NLGN1: variants seen among roughly 807,000 people sequenced by gnomAD.
The protein encoded by NLGN1 is neuroligin-1.
Under a neutral mutation model 65.5 loss-of-function variants are expected in NLGN1, and 12 were observed. That is an observed-to-expected ratio of 0.18 (90% CI 0.12 to 0.30). The LOEUF is 0.30. NLGN1 is among the 10% of genes least tolerant of loss of function. NLGN1 has a pLI of 1.00. For synonymous variants in NLGN1, 350 were observed against 359.5 expected, an observed-to-expected ratio of 0.97 and a Z score of 0.30; for missense variants, 750 against 1,007.1, an observed-to-expected ratio of 0.74 and a Z score of 3.46.
intron 4 of NLGN1, among the ~76,000 whole-genome samples, chr3:174,131,848 T>C (rs184745470): frequency 1.3e-5 from 2 of 152,316 alleles, no homozygotes; most frequent in Admixed American, 6.5e-5. Context: ...GTTGTATTGA[T>C]TTCACTGCTC....
Position 174,074,228 on chromosome 3 carries a change from TA to T in NLGN1, c.647-201084del, listed in dbSNP as rs532390119. 3.0e-3 allele frequency among the ~76,000 whole-genome samples: 463 copies of T among 152,264 alleles called. 4 individuals are homozygous for T. The highest frequency in any genetic ancestry group is 0.011 in the African/African-American group (444 of 41,566). ...GTTTCTGTCTAAGACTGACTCTATA[TA>T]AATACCTAGGAAAATTAAGAGAATC... On this transcript the variant is annotated intron_variant, in intron 4 of 6. Transcript: ENST00000457714.
chr3:174,128,602 A>G (rs1326264803), intron 4 of NLGN1, among the ~76,000 whole-genome samples: 4 of 152,100 alleles, frequency 2.6e-5, no homozygotes, highest in Non-Finnish European at 5.9e-5. Context: ...CCCAAAGTCC[A>G]TGTAGTTCTC....
intron 4 of NLGN1, among the ~76,000 whole-genome samples, chr3:173,860,979 A>G (rs905051091): frequency 6.6e-6 from 1 of 152,162 alleles, no homozygotes; most frequent in Non-Finnish European, 1.5e-5. Flanking sequence ...AGTCAACATA[A>G]ATATGGACAA....
At chr3:174,239,218 G>A (rs960049973) in intron 4 of NLGN1, among the ~76,000 whole-genome samples, 6 of 151,938 alleles carry the variant, frequency 3.9e-5, no homozygotes, top group African/African-American at 9.7e-5. Flanking sequence ...ACAAGCATGC[G>A]CCACCACACT....
chr3:173,465,194 G>A (rs1384832490), intron 2 of NLGN1, among the ~76,000 whole-genome samples: 2 of 152,118 alleles, frequency 1.3e-5, no homozygotes, highest in African/African-American at 4.8e-5. Context: ...TGTGTCCTGC[G>A]ACTCAGGAAA....
intron 2 of NLGN1, among the ~76,000 whole-genome samples, chr3:173,451,388 C>T (rs1025345843): frequency 4.6e-5 from 7 of 152,098 alleles, no homozygotes; most frequent in African/African-American, 7.2e-5. Flanking sequence ...ATTGGTGAAC[C>T]GCAAATGCTG....
chr3:174,195,179 TCA>T (rs1437252484), intron 4 of NLGN1, among the ~76,000 whole-genome samples: 1 of 152,172 alleles, frequency 6.6e-6, no homozygotes, highest in Non-Finnish European at 1.5e-5. Flanking sequence ...TGTTTTTTAC[TCA>T]CAGTCATAGC....
At chr3:173,537,405 A>G (rs188492470) in intron 2 of NLGN1, among the ~76,000 whole-genome samples, 9 of 152,256 alleles carry the variant, frequency 5.9e-5, no homozygotes, top group African/African-American at 4.8e-5. Context: ...TTGACATTCC[A>G]TAACTTAAAT....
intron 4 of NLGN1, among the ~76,000 whole-genome samples, chr3:174,211,967 G>A (rs537830197): frequency 6.6e-6 from 1 of 152,276 alleles, no homozygotes; most frequent in Admixed American, 6.5e-5. Context: ...CGCGCCATGC[G>A]CTCGTACTCC....
chr3:174,026,840 A>T (rs777348182), intron 4 of NLGN1, among the ~76,000 whole-genome samples: 1 of 152,160 alleles, frequency 6.6e-6, no homozygotes, highest in Non-Finnish European at 1.5e-5. Context: ...CAAAGTTGCA[A>T]GAATTTCTGT....
intron 3 of NLGN1, among the ~76,000 whole-genome samples, chr3:173,718,297 A>G (rs573481521): frequency 1.3e-5 from 2 of 152,078 alleles, no homozygotes; most frequent in South Asian, 4.1e-4. Context: ...TTCTTCATCC[A>G]CTGCCCCCAA....
Position 173,604,459 on chromosome 3 carries a change from G to A in NLGN1, c.-140G>A, listed in dbSNP as rs974570112. 8.7e-5 allele frequency: 77 copies of A among 885,026 alleles called. No individual in the cohort carries two copies. The Admixed American group carries it at 1.5e-3, about 17-fold the overall frequency. 54.8% of individuals were successfully genotyped at this position (885,026 alleles called of 1,614,324 possible). A position where few individuals can be genotyped will look rare whatever the true frequency, so the allele number is the denominator to read the frequency against. On this transcript the variant is annotated 5_prime_UTR_variant, in exon 3 of 7. Coordinates refer to ENST00000457714, the Ensembl canonical transcript of NLGN1. ...AATCAATGGGAGATATCTGCTGTCT[G>A]AAGATCTTTCAGAGCTTTTCTCGAC...
At chr3:173,627,546 A>G (rs879635060) in intron 3 of NLGN1, among the ~76,000 whole-genome samples, 1 of 152,116 alleles carries the variant, frequency 6.6e-6, no homozygotes, top group Non-Finnish European at 1.5e-5. Flanking sequence ...TTTCCCATGG[A>G]TATATCTACC....
intron 3 of NLGN1, among the ~76,000 whole-genome samples, chr3:173,782,964 C>T (rs1781403124): frequency 6.6e-6 from 1 of 151,168 alleles, no homozygotes; most frequent in African/African-American, 2.4e-5. Flanking sequence ...AAGTAATGTG[C>T]AAAACAGCAA....
intron 2 of NLGN1, among the ~76,000 whole-genome samples, chr3:173,515,397 G>A (rs1733661910): frequency 6.6e-6 from 1 of 152,032 alleles, no homozygotes; most frequent in Non-Finnish European, 1.5e-5. Context: ...ACGCTTATCA[G>A]ATATATGATT....
At chr3:173,442,918 G>A (rs1719459454) in intron 2 of NLGN1, among the ~76,000 whole-genome samples, 1 of 152,100 alleles carries the variant, frequency 6.6e-6, no homozygotes, top group African/African-American at 2.4e-5. Context: ...TAACCCAGCA[G>A]CCTATAGTAC....
At chr3:173,951,809 T>C (rs571949475) in intron 4 of NLGN1, among the ~76,000 whole-genome samples, 83 of 152,280 alleles carry the variant, frequency 5.5e-4, no homozygotes, top group Non-Finnish European at 9.4e-4. Context: ...TACGTCTTAG[T>C]GTCCTCCAAA....
At chr3:174,152,413 G>C in intron 4 of NLGN1, among the ~76,000 whole-genome samples, 1 of 151,972 alleles carries the variant, frequency 6.6e-6, no homozygotes, top group South Asian at 2.1e-4. Flanking sequence ...AACAAACACC[G>C]CATGTTCTCA....
At chr3:174,289,915 G>GTA (rs1233687943), downstream of NLGN1, among the ~76,000 whole-genome samples, 5 of 138,698 alleles carry the variant, frequency 3.6e-5, no homozygotes, top group South Asian at 4.5e-4. Flanking sequence ...ATATATGTAT[G>GTA]TATATATATG....
Sources: gnomAD v4.1 joint callset for allele counts (sites outside exome capture counted in the v4.1 genomes callset) on GRCh38, gnomAD v4.1.1 for gene constraint, MANE v1.5 for transcripts, NCBI Gene and HGNC (gene_info 2026-07-23, HGNC 2026-07-21) for gene names.